Variants in GLYR1 observed in about 807,000 individuals in gnomAD.
The protein encoded by GLYR1 is glyoxylate reductase 1 homolog, also known as cytokine-like nuclear factor N-PAC.
A neutral mutation model predicts 72.7 loss-of-function variants in GLYR1; 21 were observed. The observed-to-expected ratio is 0.29, with a 90% confidence interval of 0.20 to 0.42. The LOEUF (loss-of-function observed/expected upper bound fraction) is 0.42, where lower values mean the gene tolerates loss of function less well. Among genes scored for constraint, GLYR1 ranks in the 10% least tolerant of loss-of-function variants. The pLI, the probability that GLYR1 is intolerant of heterozygous loss-of-function variation, is 1.00. For synonymous variants in GLYR1, 392 were observed against 270.2 expected (o/e 1.45, Z -4.42); for missense variants, 594 against 712.1 (o/e 0.83, Z 1.89).
chr16:4,811,932 G>A lies in GLYR1; in HGVS notation c.1283-130C>T, dbSNP rs1596311754. 6.4e-6 allele frequency: 9 copies of A among 1,413,270 alleles called. No individual in the cohort carries two copies. The East Asian group carries it at 1.6e-4, about 26-fold the overall frequency. The allele number at this position is 1,413,270 out of a possible 1,614,324, so 87.5% of individuals were successfully genotyped here. ...CCCTTCACCTGCCCCCGACAGACTG[G>A]CTCTTCCTCCTTCCACGCACTGACT... On this transcript the variant is annotated intron_variant, in intron 13 of 15. Coordinates refer to ENST00000321919, the MANE Select transcript of GLYR1 (RefSeq NM_032569.4).
chr16:4,812,441 A>G (rs1306593943), intron 12 of GLYR1, among the ~76,000 whole-genome samples, 193 bp from the exon 13 acceptor site: 1 of 152,132 alleles, frequency 6.6e-6, no homozygotes, highest in Non-Finnish European at 1.5e-5. Flanking sequence ...CACAGGCCGA[A>G]TCACAGCAGT....
At chr16:4,809,093 CA>C (rs2083170849) in intron 15 of GLYR1, among the ~76,000 whole-genome samples, 1 of 150,916 alleles carries the variant, frequency 6.6e-6, no homozygotes, top group Non-Finnish European at 1.5e-5. Flanking sequence ...TACTGTCTAT[CA>C]AAGCCATAAT....
At position 4,810,740 on chromosome 16, in the gene GLYR1, G is replaced by A. The variant is rs11076847; in HGVS notation, c.1587+430C>T. 7.3e-5 allele frequency among the ~76,000 whole-genome samples: 10 copies of A among 137,602 alleles called. No individual in the cohort carries two copies. In the East Asian group the frequency reaches 1.2e-3, roughly 17 times the overall value. 90.3% of individuals were successfully genotyped at this position (137,602 alleles called of 152,430 possible). On this transcript the variant is annotated intron_variant, in intron 15 of 15. Transcript: ENST00000321919. ...AAAAAAAAAAAAAAAAAAATTAGCC[G>A]GGCGTGGTGGCAAGAGCCTGAGGCG...
Position 4,846,573 on chromosome 16 carries a change from T to G in GLYR1, c.39-363A>C, listed in dbSNP as rs576618331. The G allele has an allele frequency of 6.7e-5, 19 of 285,622 alleles. No homozygotes were observed. The East Asian group carries it at 1.4e-3, about 22-fold the overall frequency. The allele number at this position is 285,622 out of a possible 1,614,324, so 17.7% of individuals were successfully genotyped here. A position where few individuals can be genotyped will look rare whatever the true frequency, so the allele number is the denominator to read the frequency against. On this transcript the variant is annotated intron_variant, in intron 1 of 15. Coordinates refer to ENST00000321919, the MANE Select transcript of GLYR1 (RefSeq NM_032569.4). ...CCTGCCTGGCTTTGACAAATGCTAA[T>G]GGAAGCCTTCCTCTGGGTGGAGAAA... is the stretch of plus-strand genomic sequence containing the variant.
chr16:4,811,990 C>T, intron 13 of GLYR1, 96 bp downstream of exon 13: 1 of 1,499,274 alleles, frequency 6.7e-7, no homozygotes, highest in Non-Finnish European at 8.9e-7. Context: ...CCCAGGGTCC[C>T]CGGCAGAAAG....
chr16:4,813,613 C>T (rs2083450861), intron 12 of GLYR1, 124 bp downstream of exon 12: 1 of 815,334 alleles, frequency 1.2e-6, no homozygotes, highest in African/African-American at 1.7e-5. Context: ...CCCAAGGCTA[C>T]TCGCCTCTCC....
chr16:4,832,644 A>G, intron 4 of GLYR1, 130 bp downstream of exon 4: 1 of 1,112,954 alleles, frequency 9.0e-7, no homozygotes, highest in Non-Finnish European at 1.3e-6. Flanking sequence ...ACACCTTAGA[A>G]CTGAAGTAGC....
chr16:4,835,265 CTG>C (rs2085057687), intron 3 of GLYR1, among the ~76,000 whole-genome samples: 1 of 152,162 alleles, frequency 6.6e-6, no homozygotes, highest in Admixed American at 6.6e-5. Context: ...GTGAGGATGT[CTG>C]TGAAGTGCCA....
At chr16:4,838,303 G>A (rs11076849) in intron 3 of GLYR1, among the ~76,000 whole-genome samples, 7 of 151,976 alleles carry the variant, frequency 4.6e-5, no homozygotes, top group African/African-American at 1.2e-4. Context: ...CAGCGAGACC[G>A]GTCCACCTTA....
At chr16:4,821,693 T>A in intron 7 of GLYR1, 96 bp from the exon 8 acceptor site, 2 of 1,091,006 alleles carry the variant, frequency 1.8e-6, no homozygotes, top group Non-Finnish European at 2.8e-6. Flanking sequence ...AGTGGGAAGT[T>A]AACATCAACT....
chr16:4,808,738 T>A (rs1378149305), intron 15 of GLYR1, among the ~76,000 whole-genome samples: 2 of 152,218 alleles, frequency 1.3e-5, no homozygotes, highest in African/African-American at 4.8e-5. Flanking sequence ...TCAGTTGTTT[T>A]TTTTTTAGAT....
chr16:4,833,824 T>G (rs573180388), intron 3 of GLYR1, among the ~76,000 whole-genome samples: 39 of 152,352 alleles, frequency 2.6e-4, no homozygotes, highest in African/African-American at 6.3e-4. Context: ...TGCAGCTGGC[T>G]TTCTATGGCT....
chr16:4,842,845 G>A (rs1050183184), intron 3 of GLYR1, among the ~76,000 whole-genome samples: 1 of 152,072 alleles, frequency 6.6e-6, no homozygotes, highest in Admixed American at 6.5e-5. Context: ...GATTATAGGT[G>A]TGCACCACCA....
rs763444978 is a variant in GLYR1, at chr16:4,832,067, C to T, written c.449G>A (p.Gly150Asp). Residue 150 changes from glycine (G) to aspartate (D), a missense_variant, in exon 5 of 16, where the codon GGC becomes GAC. Physicochemically the swap from Gly to Asp is moderately conservative, Grantham distance 94. This residue lies in a region of GLYR1 where 252 missense variants were observed against 211.3 expected (regional missense o/e 1.19). Transcript: ENST00000321919. ...GGATTTGGAGCCTCTCTCTGAAGAG[C>T]CTGAAGACACCCTCTTCTTTCCTTC... Reference protein sequence around the residue: ...MGEGKKRVSSGSSERGSKSPL... With the variant: ...MGEGKKRVSSDSSERGSKSPL... The T allele has an allele frequency of 6.2e-7, 1 of 1,614,172 alleles. No homozygotes were observed. Among genetic ancestry groups the T allele is most frequent in the South Asian group, 1.1e-5 (1 of 91,082 alleles).
chr16:4,823,924 A>G lies in GLYR1; in HGVS notation c.538-17T>C. 1 of 1,603,144 alleles carries G rather than the reference A, an allele frequency of 6.2e-7. No individual in the cohort carries two copies. The highest frequency in any genetic ancestry group is 8.5e-7 in the Non-Finnish European group (1 of 1,170,244). Reference sequence around the variant, plus strand: ...GGTGAGATCCTATAGAGGGAGGGGCAGGGCATTTTAAAATCACATTCAAAC... The same window carrying G: ...GGTGAGATCCTATAGAGGGAGGGGCGGGGCATTTTAAAATCACATTCAAAC... On this transcript the variant is annotated splice_polypyrimidine_tract_variant and intron_variant, in intron 5 of 15. Coordinates refer to ENST00000321919, the MANE Select transcript of GLYR1 (RefSeq NM_032569.4).
intron 10 of GLYR1, among the ~76,000 whole-genome samples, chr16:4,817,076 T>C (rs2083686909): frequency 6.6e-6 from 1 of 151,636 alleles, no homozygotes; most frequent in African/African-American, 2.4e-5. Context: ...CCTGAGTAAC[T>C]GAGACTACAG....
chr16:4,834,145 T>C (rs534879429), intron 3 of GLYR1, among the ~76,000 whole-genome samples: 190 of 152,226 alleles, frequency 1.2e-3, no homozygotes, highest in Non-Finnish European at 2.4e-3. Flanking sequence ...ATGGGGTCTG[T>C]GCAAAAACAC....
intron 3 of GLYR1, 122 bp downstream of exon 3, chr16:4,844,952 T>C (rs921739761): frequency 4.4e-6 from 3 of 686,038 alleles, no homozygotes; most frequent in African/African-American, 1.8e-5. Flanking sequence ...CAGAATGAGA[T>C]GCCAGTATTA....
chr16:4,829,944 A>C (rs1036555202), intron 5 of GLYR1, among the ~76,000 whole-genome samples: 1 of 152,080 alleles, frequency 6.6e-6, no homozygotes, highest in Non-Finnish European at 1.5e-5. Flanking sequence ...AAGTGCTGGG[A>C]TTACAGGTGT....
Sources: gnomAD v4.1 joint callset for allele counts (sites outside exome capture counted in the v4.1 genomes callset) on GRCh38, gnomAD v4.1.1 for gene constraint, gnomAD v4.1.1 regional missense constraint, MANE v1.5 for transcripts, NCBI Gene and HGNC (gene_info 2026-07-23, HGNC 2026-07-21) for gene names.